MYBL2: variants seen among roughly 807,000 people sequenced by gnomAD.
MYBL2 encodes the protein myb-related protein B.
In MYBL2, 28 loss-of-function variants were observed where a neutral mutation model predicts 79.9. The observed-to-expected ratio is 0.35, with a 90% CI of 0.26 to 0.48. The LOEUF (loss-of-function observed/expected upper bound fraction) is 0.48. Among genes scored for constraint, MYBL2 ranks in the 20% least tolerant of loss-of-function variants. MYBL2 has a pLI of 0.99. For missense variants in MYBL2, 735 were observed against 893.9 expected (o/e 0.82, Z 2.27); for synonymous variants, 378 against 361.2 (o/e 1.05, Z -0.53).
intron 6 of MYBL2, among the ~76,000 whole-genome samples, chr20:43,698,625 G>A (rs1329516711): frequency 1.3e-5 from 2 of 149,410 alleles, no homozygotes; most frequent in African/African-American, 2.5e-5. Flanking sequence ...TGATCCGCCC[G>A]TCTCGGCCTC....
chr20:43,674,641 G>A (rs540298304), intron 2 of MYBL2, among the ~76,000 whole-genome samples: 19 of 150,444 alleles, frequency 1.3e-4, no homozygotes, highest in African/African-American at 4.4e-4. Context: ...TGATCTGCCC[G>A]CCTCGGCCTC....
At chr20:43,684,770 G>A (rs982455858) in intron 4 of MYBL2, among the ~76,000 whole-genome samples, 11 of 151,410 alleles carry the variant, frequency 7.3e-5, no homozygotes, top group African/African-American at 1.2e-4. Context: ...CCAGGAGTTC[G>A]AGGTTACAGT....
intron 2 of MYBL2, among the ~76,000 whole-genome samples, chr20:43,674,514 A>G (rs1379272690): frequency 6.6e-6 from 1 of 151,178 alleles, no homozygotes; most frequent in Admixed American, 6.6e-5. Context: ...CAGCCTCCCG[A>G]GTAGCTGGGA....
rs550552422 is a variant in MYBL2, at chr20:43,678,275, C to T, written c.115-3509C>T. ...TGTGACCCTGCCAAATCCCCCTCTG[C>T]GAGAAACACCCAAGAATGATCAATA... On this transcript the variant is annotated intron_variant, in intron 2 of 13. Transcript: ENST00000217026. Among the ~76,000 whole-genome samples the T allele has an allele frequency of 1.5e-3, 230 of 148,946 alleles. 2 individuals are homozygous for T. In the Middle Eastern group the frequency reaches 0.017, roughly 11 times the overall value.
rs555910306 is a variant in MYBL2 at position 43,709,147 on chromosome 20, C to G, written c.1506-816C>G. Among the ~76,000 whole-genome samples, 4 of 152,314 alleles carry G rather than the reference C, an allele frequency of 2.6e-5. No individual in the cohort carries two copies. In the East Asian group the frequency reaches 7.7e-4, roughly 29 times the overall value. On this transcript the variant is annotated intron_variant, in intron 9 of 13. Coordinates refer to ENST00000217026, the MANE Select transcript of MYBL2 (RefSeq NM_002466.4). Reference sequence around the variant, plus strand: ...GCCTCATCACCCAGGTCCCTGGCTACCTGGGGTGTTTCTCTCATCCTCTGA... The same window carrying G: ...GCCTCATCACCCAGGTCCCTGGCTAGCTGGGGTGTTTCTCTCATCCTCTGA...
At position 43,681,843 on chromosome 20, in the gene MYBL2, C is replaced by T. The variant is rs561039061; in HGVS notation, c.174C>T (p.Ala58=). The change falls in exon 3 of 14, where the codon GCC becomes GCT. Residue 58 remains alanine, a synonymous_variant. Transcript: ENST00000217026. The part of the protein sequence containing the change: ...QFGQQDWKFL[A]SHFPNRTDQQ... Reference sequence around the variant, plus strand: ...GACAGCAGGACTGGAAGTTCCTGGCCAGCCACTTCCCTGTGAGTACAGTCC... The same window carrying T: ...GACAGCAGGACTGGAAGTTCCTGGCTAGCCACTTCCCTGTGAGTACAGTCC... 8 of 1,614,198 alleles carry T rather than the reference C, an allele frequency of 5.0e-6. No individual in the cohort carries two copies. In the South Asian group the frequency reaches 7.7e-5, roughly 16 times the overall value.
intron 2 of MYBL2, among the ~76,000 whole-genome samples, chr20:43,676,653 C>T (rs141550138): frequency 1.2e-4 from 19 of 152,310 alleles, no homozygotes; most frequent in Middle Eastern, 6.8e-3. Context: ...TTTGCAAATA[C>T]ATGTTTCCCT....
At chr20:43,688,859 G>A (rs1987340059) in intron 5 of MYBL2, among the ~76,000 whole-genome samples, 2 of 151,880 alleles carry the variant, frequency 1.3e-5, no homozygotes, top group East Asian at 1.9e-4. Flanking sequence ...GCATGATCTC[G>A]GCTCACTGCA....
chr20:43,688,369 T>G (rs1987329654), intron 5 of MYBL2, among the ~76,000 whole-genome samples: 1 of 151,884 alleles, frequency 6.6e-6, no homozygotes, highest in Admixed American at 6.6e-5. Flanking sequence ...GCCTGGCTAA[T>G]TTTTGTATTT....
chr20:43,715,170 C>T lies in MYBL2; in HGVS notation c.1861C>T (p.Leu621=). ...TAPSNSSSLT[L]SGIKEDNSLL... ...CCCTTCAAACTCTTCCAGCCTCACCCTGTCAGGTATCAAAGAAGACAACAG... is the reference window on the plus strand; with the variant it reads ...CCCTTCAAACTCTTCCAGCCTCACCTTGTCAGGTATCAAAGAAGACAACAG... Residue 621 remains leucine (L), a synonymous_variant, in exon 13 of 14, where the codon CTG becomes TTG. Coordinates refer to ENST00000217026, the MANE Select transcript of MYBL2 (RefSeq NM_002466.4). The T allele has an allele frequency of 6.2e-7, 1 of 1,614,214 alleles. No individual in the cohort carries two copies.
At chr20:43,707,663 A>G (rs534914544) in intron 9 of MYBL2, among the ~76,000 whole-genome samples, 1 of 152,326 alleles carries the variant, frequency 6.6e-6, no homozygotes, top group African/African-American at 2.4e-5. Flanking sequence ...TGCTGGGATT[A>G]CAGGCGTGAG....
chr20:43,668,866 AATTT>A (rs1434753746), intron 1 of MYBL2, among the ~76,000 whole-genome samples: 1 of 151,776 alleles, frequency 6.6e-6, no homozygotes, highest in Non-Finnish European at 1.5e-5. Flanking sequence ...ACAACTGGCT[AATTT>A]ATTTAATTAT....
intron 9 of MYBL2, among the ~76,000 whole-genome samples, chr20:43,707,116 G>A (rs998072853): frequency 2.6e-5 from 4 of 151,500 alleles, no homozygotes; most frequent in African/African-American, 9.7e-5. Flanking sequence ...GGAGTTTGAA[G>A]CTGCAGTGAG....
intron 6 of MYBL2, among the ~76,000 whole-genome samples, chr20:43,695,972 C>T (rs1183844926): frequency 1.3e-5 from 2 of 151,854 alleles, no homozygotes; most frequent in African/African-American, 2.4e-5. Flanking sequence ...GAGCCGAGTT[C>T]GCACTGCTGC....
chr20:43,702,292 C>G (rs1987690044), intron 7 of MYBL2, among the ~76,000 whole-genome samples, 198 bp from the exon 8 acceptor site: 2 of 152,146 alleles, frequency 1.3e-5, no homozygotes, highest in Admixed American at 1.3e-4. Context: ...GAGTGAAACC[C>G]TGTCTCTTTA....
intron 2 of MYBL2, among the ~76,000 whole-genome samples, chr20:43,678,299 TA>T: frequency 1.4e-5 from 1 of 71,800 alleles, no homozygotes; most frequent in Non-Finnish European, 2.8e-5. Flanking sequence ...GAATGATCAA[TA>T]AAAAAATAAA....
chr20:43,673,883 A>G lies in MYBL2; in HGVS notation c.98A>G (p.Lys33Arg), dbSNP rs1488312264. Residue 33 changes from lysine (K) to arginine (R), a missense_variant, in exon 2 of 14, where the codon AAA becomes AGA. Transcript: ENST00000217026. Reference protein sequence around the residue: ...PEQRDSKCKVKWTHEEDEQLR... With the variant: ...PEQRDSKCKVRWTHEEDEQLR... The stretch of plus-strand genomic sequence containing the variant: ...CAGAGGGATAGCAAGTGCAAGGTCA[A>G]ATGGACCCATGAGGAGGTGAGTGCC... 5 of 1,552,702 alleles carry G rather than the reference A, an allele frequency of 3.2e-6. No homozygotes were observed. Among genetic ancestry groups the G allele is most frequent in the South Asian group, 1.2e-5 (1 of 84,158 alleles).
chr20:43,675,385 C>G (rs1216543776), intron 2 of MYBL2, among the ~76,000 whole-genome samples: 2 of 151,772 alleles, frequency 1.3e-5, no homozygotes. Context: ...GTGATCTCCA[C>G]TCACTGCAAC....
intron 7 of MYBL2, among the ~76,000 whole-genome samples, chr20:43,701,321 T>C (rs1203510851): frequency 2.0e-5 from 3 of 152,202 alleles, no homozygotes; most frequent in African/African-American, 7.2e-5. Flanking sequence ...GGGTCCTCCC[T>C]GAATTGGGGT....
Sources: allele counts gnomAD v4.1 joint callset (sites outside exome capture counted in the v4.1 genomes callset), GRCh38; gene constraint gnomAD v4.1.1; transcripts MANE v1.5; gene names NCBI Gene and HGNC (gene_info 2026-07-23, HGNC 2026-07-21).